SLC37A1: variants seen among roughly 807,000 people sequenced by gnomAD.
SLC37A1 encodes glucose-6-phosphate exchanger SLC37A1.
Under a neutral mutation model 75.3 loss-of-function variants are expected in SLC37A1, and 49 were observed. The ratio of observed to expected loss-of-function variants is 0.65; its 90% confidence interval spans 0.52 to 0.83. SLC37A1 has a LOEUF of 0.83. SLC37A1 is among the 40% of genes least tolerant of loss of function. The pLI, the probability that SLC37A1 is intolerant of heterozygous loss-of-function variation, is 0.00. For synonymous variants in SLC37A1, 268 were observed against 292.1 expected, an observed-to-expected ratio of 0.92 and a Z score of 0.84; for missense variants, 566 against 695.0, an observed-to-expected ratio of 0.81 and a Z score of 2.09.
intron 11 of SLC37A1, 164 bp from the exon 12 acceptor site, chr21:42,561,914 C>A: frequency 1.6e-6 from 1 of 641,438 alleles, no homozygotes; most frequent in Non-Finnish European, 2.8e-6. Context: ...CACTACACCA[C>A]ACAGCGGTGC....
chr21:42,529,695 C>T (rs993946931), intron 3 of SLC37A1, among the ~76,000 whole-genome samples: 4 of 152,118 alleles, frequency 2.6e-5, no homozygotes, highest in African/African-American at 9.7e-5. Flanking sequence ...GGGGGATGAA[C>T]AAGCAGTTTA....
chr21:42,550,471 CAAAG>C (rs1181541554), intron 9 of SLC37A1, among the ~76,000 whole-genome samples: 1 of 152,290 alleles, frequency 6.6e-6, no homozygotes, highest in East Asian at 1.9e-4. Context: ...AAACTTCACT[CAAAG>C]AAAATCCCAG....
chr21:42,552,197 A>G lies in SLC37A1; in HGVS notation c.769-1865A>G, dbSNP rs575620962. Among the ~76,000 whole-genome samples, 25 of 152,290 alleles carry G rather than the reference A, an allele frequency of 1.6e-4. No homozygotes were observed. The highest frequency in any genetic ancestry group is 6.0e-4 in the African/African-American group (25 of 41,554). ...TTGATTTGTATTTGATTCCTAGGTT[A>G]CTTAGGTTTAGGATATCTATTTTGT... On this transcript the variant is annotated intron_variant, in intron 9 of 19. Transcript: ENST00000352133. This position sits in a 1 kb window ranked among gnomAD's most constrained non-coding sequence, Gnocchi z 4.2.
At chr21:42,501,636 C>T (rs756972716) in intron 1 of SLC37A1, among the ~76,000 whole-genome samples, 4 of 152,258 alleles carry the variant, frequency 2.6e-5, no homozygotes, top group South Asian at 2.1e-4. Context: ...CGCTTGAACC[C>T]GGGAGGCAGA....
At chr21:42,546,774 A>G (rs1262720178) in intron 8 of SLC37A1, among the ~76,000 whole-genome samples, 2 of 152,226 alleles carry the variant, frequency 1.3e-5, no homozygotes, top group Admixed American at 6.5e-5. Flanking sequence ...ACGAATGCCA[A>G]TTTAGTAAAG....
intron 17 of SLC37A1, among the ~76,000 whole-genome samples, chr21:42,571,277 C>T (rs865831782): frequency 2.6e-5 from 4 of 152,226 alleles, no homozygotes; most frequent in African/African-American, 9.6e-5. Context: ...GGAGGCGAAA[C>T]ATGACTAATC....
At chr21:42,565,740 C>T (rs867640110) in intron 14 of SLC37A1, 87 bp from the exon 15 acceptor site, 14 of 1,275,094 alleles carry the variant, frequency 1.1e-5, no homozygotes, top group East Asian at 2.3e-5. Context: ...GAGAATCACC[C>T]GCCGGGTTTT....
chr21:42,514,117 G>A lies in SLC37A1; in HGVS notation c.-779G>A, dbSNP rs2054476686. The A allele has an allele frequency of 6.6e-6, 1 of 151,846 alleles. No individual in the cohort carries two copies. The highest frequency in any genetic ancestry group is 1.5e-5 in the Non-Finnish European group (1 of 67,896). The allele number at this position is 151,846 out of a possible 1,614,324, so 9.4% of individuals were successfully genotyped here. ...TTTTCTTTTTTTTCGGGGGGAGGTG[G>A]GGGCTGGTTTGGATGTTTTCCGAGA... On this transcript the variant is annotated 5_prime_UTR_variant, in exon 1 of 20. Transcript: ENST00000352133. This position sits in a 1 kb window ranked among gnomAD's most constrained non-coding sequence, Gnocchi z 4.8.
intron 15 of SLC37A1, among the ~76,000 whole-genome samples, chr21:42,566,334 AGCCAGGGCAGGT>A (rs1172522689): frequency 6.6e-6 from 1 of 152,112 alleles, no homozygotes; most frequent in Non-Finnish European, 1.5e-5. Flanking sequence ...TCCGGCCAGG[AGCCAGGGCAGGT>A]GGCCCCCCAG....
intron 3 of SLC37A1, among the ~76,000 whole-genome samples, chr21:42,533,892 A>G (rs1420541235): frequency 6.6e-6 from 1 of 152,016 alleles, no homozygotes; most frequent in Admixed American, 6.6e-5. Flanking sequence ...AGTGTCTCCA[A>G]CCCTGGCCCT....
intron 12 of SLC37A1, 141 bp from the exon 13 acceptor site, chr21:42,563,674 A>T: frequency 1.5e-6 from 1 of 688,908 alleles, no homozygotes; most frequent in Non-Finnish European, 2.5e-6. Context: ...TTTAAATCTG[A>T]GTTAACTACT....
intron 2 of SLC37A1, among the ~76,000 whole-genome samples, chr21:42,521,805 T>A (rs1426796623): frequency 6.6e-6 from 1 of 152,248 alleles, no homozygotes; most frequent in Non-Finnish European, 1.5e-5. Context: ...TATTCATAAG[T>A]CTAAACATAA....
At chr21:42,512,237 GGT>G (rs2054442983), upstream of SLC37A1, among the ~76,000 whole-genome samples, 1 of 99,606 alleles carries the variant, frequency 1.0e-5, no homozygotes, top group Admixed American at 1.5e-4. Flanking sequence ...GGGGAGGGGG[GGT>G]GGGAAGAAGC....
intron 13 of SLC37A1, 106 bp downstream of exon 13, chr21:42,563,983 C>G: frequency 7.6e-7 from 1 of 1,313,524 alleles, no homozygotes; most frequent in Admixed American, 1.9e-5. Context: ...GGTCTCATAT[C>G]CCCTGAGTGG....
At chr21:42,561,259 C>G (rs1197323183) in intron 11 of SLC37A1, among the ~76,000 whole-genome samples, 1 of 152,220 alleles carries the variant, frequency 6.6e-6, no homozygotes, top group Non-Finnish European at 1.5e-5. Context: ...ATTTCTCACT[C>G]TGAATTTTCA....
intron 2 of SLC37A1, among the ~76,000 whole-genome samples, chr21:42,525,540 G>C (rs55659513): frequency 6.6e-6 from 1 of 152,340 alleles, no homozygotes; most frequent in Non-Finnish European, 1.5e-5. Flanking sequence ...CATGAGGGTA[G>C]GAAAAGCAGT....
intron 3 of SLC37A1, among the ~76,000 whole-genome samples, chr21:42,529,478 T>G (rs532025233): frequency 6.6e-6 from 1 of 152,138 alleles, no homozygotes; most frequent in South Asian, 2.1e-4. Flanking sequence ...CGCTTGAACC[T>G]GGGAGGCGAA....
At chr21:42,530,668 G>A (rs1427861544) in intron 3 of SLC37A1, among the ~76,000 whole-genome samples, 1 of 124,980 alleles carries the variant, frequency 8.0e-6, no homozygotes, top group African/African-American at 2.7e-5. Flanking sequence ...CCTCTGTGTT[G>A]GCTGAAGGTG....
rs1425377998 is a variant in SLC37A1, at chr21:42,525,954, G to A, written c.138+97G>A. ...GGATGGGGATGGTAGCAGGTACATG[G>A]GGAAACAGATTATGTAGAAACAAGT... On this transcript the variant is annotated intron_variant, in intron 3 of 19. Transcript: ENST00000352133. 1.1e-5 allele frequency: 9 copies of A among 826,026 alleles called. No individual in the cohort carries two copies. The African/African-American group carries it at 1.4e-4, about 13-fold the overall frequency. 51.2% of individuals were successfully genotyped at this position (826,026 alleles called of 1,614,324 possible).
Sources: allele counts gnomAD v4.1 joint callset (sites outside exome capture counted in the v4.1 genomes callset), GRCh38; gene constraint gnomAD v4.1.1; non-coding constraint Gnocchi (gnomAD v3.1); transcripts MANE v1.5; gene names NCBI Gene and HGNC (gene_info 2026-07-23, HGNC 2026-07-21).